The following PAPOLA variants were observed in gnomAD, a reference collection of about 807,000 sequenced individuals.
PAPOLA encodes poly(A) polymerase alpha, also known as polynucleotide adenylyltransferase alpha.
PAPOLA carries 15 observed loss-of-function variants against 100.6 expected under a neutral mutation model. That is an observed-to-expected ratio of 0.15 (90% CI 0.10 to 0.23). The LOEUF (loss-of-function observed/expected upper bound fraction) is 0.23. Among genes scored for constraint, PAPOLA ranks in the 10% least tolerant of loss-of-function variants. The probability of loss-of-function intolerance (pLI) is 1.00; values close to 1 mark genes in which losing one functional copy is unlikely to be tolerated. For missense variants in PAPOLA, 533 were observed against 884.2 expected, an observed-to-expected ratio of 0.60 and a Z score of 5.04; for synonymous variants, 293 against 300.0, an observed-to-expected ratio of 0.98 and a Z score of 0.24.
chr14:96,511,979 T>C (rs1163239900), intron 1 of PAPOLA, among the ~76,000 whole-genome samples: 1 of 152,250 alleles, frequency 6.6e-6, no homozygotes, highest in Admixed American at 6.5e-5. Context: ...ACTGAGTTTT[T>C]AGCTAATAAC....
chr14:96,539,050 T>G (rs1385373527), intron 12 of PAPOLA, among the ~76,000 whole-genome samples: 1 of 152,110 alleles, frequency 6.6e-6, no homozygotes, highest in Non-Finnish European at 1.5e-5. Flanking sequence ...GGGGTAACAT[T>G]GTTTTGTGAA....
intron 1 of PAPOLA, 191 bp downstream of exon 1, chr14:96,502,791 C>G (rs1403074881): frequency 3.5e-6 from 2 of 564,452 alleles, no homozygotes; most frequent in African/African-American, 2.0e-5. Context: ...GTGCTGGGTT[C>G]CCGCGTCCCC....
chr14:96,543,487 AAAAT>A (rs886195460), intron 14 of PAPOLA, among the ~76,000 whole-genome samples: 4 of 152,230 alleles, frequency 2.6e-5, no homozygotes, highest in African/African-American at 9.6e-5. Context: ...CTTATTTTAA[AAAAT>A]AAAGCAGCAT....
chr14:96,514,794 T>C (rs1367982404), intron 1 of PAPOLA, among the ~76,000 whole-genome samples: 5 of 152,168 alleles, frequency 3.3e-5, no homozygotes. Context: ...TCCAAAGTAA[T>C]GAAGAGATAC....
intron 8 of PAPOLA, 30 bp from the exon 9 acceptor site, chr14:96,532,481 C>CT: frequency 6.2e-7 from 1 of 1,606,022 alleles, no homozygotes; most frequent in Non-Finnish European, 8.5e-7. Flanking sequence ...TCAACACTAA[C>CT]TTATCTTTTT....
At chr14:96,531,969 CT>C in intron 7 of PAPOLA, 1 of 1,252,124 alleles carries the variant, frequency 8.0e-7, no homozygotes, top group Non-Finnish European at 1.0e-6. Flanking sequence ...ATTAGCATAG[CT>C]TGTTACTGTG....
intron 3 of PAPOLA, among the ~76,000 whole-genome samples, chr14:96,521,330 TA>T (rs1026922467): frequency 3.3e-5 from 5 of 152,170 alleles, no homozygotes; most frequent in African/African-American, 1.2e-4. Context: ...TCAGTAATTG[TA>T]AAGTACTTAC....
chr14:96,509,435 T>C (rs1305076591), intron 1 of PAPOLA, among the ~76,000 whole-genome samples: 1 of 152,226 alleles, frequency 6.6e-6, no homozygotes, highest in Non-Finnish European at 1.5e-5. Flanking sequence ...TAAAAATGTA[T>C]ACAAAAGTAT....
chr14:96,533,438 TAAAAA>T, intron 9 of PAPOLA: 1 of 981,496 alleles, frequency 1.0e-6, no homozygotes, highest in South Asian at 4.7e-5. Context: ...GGAGGAAAAA[TAAAAA>T]AAATTTAGAA....
chr14:96,503,941 A>G (rs1030714493), intron 1 of PAPOLA, among the ~76,000 whole-genome samples: 1 of 152,218 alleles, frequency 6.6e-6, no homozygotes, highest in African/African-American at 2.4e-5. Flanking sequence ...GGTTATTAAG[A>G]AGTCTATCAC....
At chr14:96,560,561 A>C in intron 19 of PAPOLA, 88 bp from the exon 20 acceptor site, 1 of 800,476 alleles carries the variant, frequency 1.2e-6, no homozygotes, top group South Asian at 1.5e-5. Flanking sequence ...ATTATTTTAT[A>C]GTTTTAAAGT....
chr14:96,503,194 C>G (rs1166916986), intron 1 of PAPOLA, among the ~76,000 whole-genome samples: 1 of 152,240 alleles, frequency 6.6e-6, no homozygotes, highest in African/African-American at 2.4e-5. Flanking sequence ...AGTCCGCCTG[C>G]CTCCACCTCC....
chr14:96,530,019 A>C (rs1273764072), intron 6 of PAPOLA, among the ~76,000 whole-genome samples: 2 of 152,258 alleles, frequency 1.3e-5, no homozygotes, highest in African/African-American at 4.8e-5. Flanking sequence ...AAGTTCTCAG[A>C]TATAATGGAA....
At chr14:96,540,899 T>TG (rs1243130532) in intron 12 of PAPOLA, among the ~76,000 whole-genome samples, 3 of 152,236 alleles carry the variant, frequency 2.0e-5, no homozygotes, top group African/African-American at 7.2e-5. Flanking sequence ...TTCTTTTTTT[T>TG]GTTTTGAGAC....
At chr14:96,530,416 G>T in intron 6 of PAPOLA, among the ~76,000 whole-genome samples, 1 of 149,410 alleles carries the variant, frequency 6.7e-6, no homozygotes, top group Non-Finnish European at 1.5e-5. Flanking sequence ...TCTGAGGCAG[G>T]GTCTTACTTT....
intron 4 of PAPOLA, 101 bp downstream of exon 4, chr14:96,525,492 A>T (rs1280968801): frequency 1.8e-6 from 1 of 568,198 alleles, no homozygotes; most frequent in African/African-American, 2.0e-5. Context: ...TTAGGCTTGC[A>T]TGGAAGAGAG....
chr14:96,554,504 G>C (rs944755693), intron 17 of PAPOLA, among the ~76,000 whole-genome samples: 6 of 152,184 alleles, frequency 3.9e-5, no homozygotes, highest in Admixed American at 1.3e-4. Context: ...TGGATGTCAT[G>C]TAAGTACCAA....
At chr14:96,525,865 CA>C (rs1352715891) in intron 4 of PAPOLA, 4 of 152,508 alleles carry the variant, frequency 2.6e-5, no homozygotes, top group African/African-American at 9.7e-5. Context: ...AGTACAGATA[CA>C]GAGTAGTTTT....
At chr14:96,527,668 T>A in intron 5 of PAPOLA, 129 bp downstream of exon 5, 1 of 631,902 alleles carries the variant, frequency 1.6e-6, no homozygotes, top group East Asian at 2.7e-5. Context: ...ACACTTGGCA[T>A]ATGTGTTTGT....
Sources: gnomAD v4.1 joint callset for allele counts (sites outside exome capture counted in the v4.1 genomes callset) on GRCh38, gnomAD v4.1.1 for gene constraint, MANE v1.5 for transcripts, NCBI Gene and HGNC (gene_info 2026-07-23, HGNC 2026-07-21) for gene names.